The following GNAO1 variants were observed in gnomAD, a reference collection of about 807,000 sequenced individuals.
The protein encoded by GNAO1 is G protein subunit alpha o1.
For synonymous variants in GNAO1, 164 were observed against 180.7 expected, an observed-to-expected ratio of 0.91 and a Z score of 0.74; for missense variants, 166 against 478.7, an observed-to-expected ratio of 0.35 and a Z score of 6.10.
In GNAO1 at chr16:56,343,678, G is replaced by A. The variant is rs575685123; in HGVS notation, c.723+6818G>A. 200 of 1,099,028 alleles carry A rather than the reference G, an allele frequency of 1.8e-4. 2 individuals carry two copies. In the South Asian group the frequency reaches 2.6e-3, roughly 14 times the overall value. The allele number at this position is 1,099,028 out of a possible 1,614,324, so 68.1% of individuals were successfully genotyped here. On this transcript the variant is annotated intron_variant, in intron 6 of 8. Coordinates refer to ENST00000262493, the MANE Select transcript of GNAO1 (RefSeq NM_020988.3). ...TCTCTGAGAGGCCCAAGGCCGGATG[G>A]CCACACAGGCCAGGCTGGGGTCGTC...
chr16:56,270,889 T>C (rs2037009709), intron 2 of GNAO1: 1 of 152,178 alleles, frequency 6.6e-6, no homozygotes, highest in Non-Finnish European at 1.5e-5. Context: ...CTGCACTCAA[T>C]CGCTCAGCTA....
At chr16:56,258,505 G>A (rs1346041825) in intron 2 of GNAO1, among the ~76,000 whole-genome samples, 1 of 152,212 alleles carries the variant, frequency 6.6e-6, no homozygotes, top group Admixed American at 6.5e-5. Flanking sequence ...ATGGGTAGTG[G>A]CACACCACCC....
intron 4 of GNAO1, among the ~76,000 whole-genome samples, chr16:56,331,965 C>G (rs1353650344): frequency 6.6e-6 from 1 of 152,168 alleles, no homozygotes; most frequent in African/African-American, 2.4e-5. Flanking sequence ...GTGGAGGTAT[C>G]TCTACTTCTG....
chr16:56,336,115 T>A (rs1162276754), intron 5 of GNAO1, among the ~76,000 whole-genome samples: 2 of 152,154 alleles, frequency 1.3e-5, no homozygotes, highest in Non-Finnish European at 2.9e-5. Flanking sequence ...TCTTCCAGAA[T>A]TTTTGTGCCC....
chr16:56,218,317 T>G (rs1427357244), intron 2 of GNAO1, among the ~76,000 whole-genome samples: 1 of 152,224 alleles, frequency 6.6e-6, no homozygotes. Context: ...GGGCCTCCAC[T>G]GCCTTGTGTA....
At chr16:56,240,732 AGGGT>A in intron 2 of GNAO1, among the ~76,000 whole-genome samples, 1 of 152,160 alleles carries the variant, frequency 6.6e-6, no homozygotes, top group East Asian at 1.9e-4. Context: ...CTCCAGGCTC[AGGGT>A]GCCTCATAGC....
intron 2 of GNAO1, among the ~76,000 whole-genome samples, chr16:56,268,522 C>A (rs12920563): frequency 2.0e-5 from 3 of 152,034 alleles, no homozygotes; most frequent in East Asian, 3.9e-4. Flanking sequence ...AAAATGGTCC[C>A]TAGTAGGTTA....
rs774947928 is a variant in GNAO1 at position 56,334,762 on chromosome 16, C to T, written c.498C>T (p.Ala166=). ...YLDSLDRIGA[A]DYQPTEQDIL... ...ACAGCCTGGATCGGATTGGGGCCGC[C>T]GACTACCAGCCCACCGAGCAGGACA... The change falls in exon 5 of 9, where the codon GCC becomes GCT. Residue 166 remains alanine (A), a synonymous_variant. Coordinates refer to ENST00000262493, the MANE Select transcript of GNAO1 (RefSeq NM_020988.3). The T allele has an allele frequency of 2.6e-5, 42 of 1,613,920 alleles. No homozygotes were observed. Among genetic ancestry groups the T allele is most frequent in the South Asian group, 2.5e-4 (23 of 91,062 alleles).
intron 3 of GNAO1, among the ~76,000 whole-genome samples, chr16:56,305,477 A>G (rs948037754): frequency 3.3e-5 from 5 of 152,122 alleles, no homozygotes; most frequent in Non-Finnish European, 5.9e-5. Flanking sequence ...GAAGGAGACA[A>G]TCTGGCAAAG....
chr16:56,338,662 T>C (rs1424620992), intron 6 of GNAO1, among the ~76,000 whole-genome samples: 1 of 152,228 alleles, frequency 6.6e-6, no homozygotes, highest in Non-Finnish European at 1.5e-5. Flanking sequence ...GCCAGGCCTG[T>C]GGATGGCTTC....
chr16:56,258,443 A>G (rs1477372002), intron 2 of GNAO1, among the ~76,000 whole-genome samples: 1 of 152,246 alleles, frequency 6.6e-6, no homozygotes, highest in Non-Finnish European at 1.5e-5. Context: ...CTGTTCAGTA[A>G]CACGTGAAAT....
At chr16:56,289,042 G>GA (rs2037204043) in intron 3 of GNAO1, among the ~76,000 whole-genome samples, 1 of 151,602 alleles carries the variant, frequency 6.6e-6, no homozygotes, top group Non-Finnish European at 1.5e-5. Flanking sequence ...AAGGGGGGGG[G>GA]AGCGGAAAAA....
intron 2 of GNAO1, among the ~76,000 whole-genome samples, chr16:56,208,599 A>G (rs747826820): frequency 3.9e-5 from 6 of 152,214 alleles, no homozygotes; most frequent in Non-Finnish European, 7.3e-5. Context: ...TCACGGTAGC[A>G]GAAAGAATTT....
chr16:56,208,133 A>G (rs1254547156), intron 2 of GNAO1, among the ~76,000 whole-genome samples: 1 of 152,140 alleles, frequency 6.6e-6, no homozygotes, highest in Non-Finnish European at 1.5e-5. Context: ...TTTCTTCAGT[A>G]TTACATTCAT....
At chr16:56,321,746 C>T (rs1487424641) in intron 3 of GNAO1, among the ~76,000 whole-genome samples, 1 of 152,172 alleles carries the variant, frequency 6.6e-6, no homozygotes, top group African/African-American at 2.4e-5. Context: ...CAGAGAGGAG[C>T]GGGCAGGCCT....
At chr16:56,236,000 T>C (rs1462664550) in intron 2 of GNAO1, among the ~76,000 whole-genome samples, 6 of 152,182 alleles carry the variant, frequency 3.9e-5, no homozygotes, top group African/African-American at 1.4e-4. Flanking sequence ...AGATGGTGAT[T>C]CTTTGAGTCA....
chr16:56,223,825 A>C (rs190161998), intron 2 of GNAO1, among the ~76,000 whole-genome samples: 1 of 152,264 alleles, frequency 6.6e-6, no homozygotes, highest in Non-Finnish European at 1.5e-5. Context: ...CAAGATTTAA[A>C]CTCCTTGCGA....
intron 3 of GNAO1, among the ~76,000 whole-genome samples, chr16:56,294,842 C>A (rs1374729590): frequency 6.6e-6 from 1 of 152,174 alleles, no homozygotes; most frequent in Non-Finnish European, 1.5e-5. Flanking sequence ...TGGTTTTAAT[C>A]TGCCTTTCCA....
intron 2 of GNAO1, among the ~76,000 whole-genome samples, chr16:56,241,607 T>C (rs1235213338): frequency 6.6e-6 from 1 of 152,224 alleles, no homozygotes; most frequent in Non-Finnish European, 1.5e-5. Context: ...TTTTAAATAA[T>C]AACAAATAAT....
Sources: allele counts gnomAD v4.1 joint callset (sites outside exome capture counted in the v4.1 genomes callset), GRCh38; gene constraint gnomAD v4.1.1; transcripts MANE v1.5; gene names NCBI Gene and HGNC (gene_info 2026-07-23, HGNC 2026-07-21).